The following C1QTNF7 variants were observed in gnomAD, a reference collection of about 807,000 sequenced individuals.
C1QTNF7 encodes C1q and TNF related 7.
Under a neutral mutation model 19.6 loss-of-function variants are expected in C1QTNF7, and 15 were observed. The ratio of observed to expected loss-of-function variants is 0.76; its 90% CI spans 0.51 to 1.18. The LOEUF is 1.18. Among genes scored for constraint, C1QTNF7 ranks in the 50% most tolerant of loss-of-function variants. The pLI is 0.00. For synonymous variants in C1QTNF7, 142 were observed against 137.5 expected (o/e 1.03, Z -0.23); for missense variants, 324 against 359.7 (o/e 0.90, Z 0.80).
intron 1 of C1QTNF7, among the ~76,000 whole-genome samples, chr4:15,403,408 G>C (rs1466629454): frequency 1.3e-5 from 2 of 152,130 alleles, no homozygotes; most frequent in African/African-American, 4.8e-5. Flanking sequence ...CCAAAATCAA[G>C]GCTTTGACAG....
chr4:15,423,167 T>C (rs1339805656), upstream of C1QTNF7, among the ~76,000 whole-genome samples: 1 of 152,178 alleles, frequency 6.6e-6, no homozygotes, highest in Non-Finnish European at 1.5e-5. Context: ...TTAGCATAAA[T>C]AGGTTATTTG....
intron 1 of C1QTNF7, among the ~76,000 whole-genome samples, chr4:15,376,163 C>T (rs1717930182): frequency 6.6e-6 from 1 of 152,194 alleles, no homozygotes; most frequent in African/African-American, 2.4e-5. Context: ...CTTGTATAAA[C>T]ATGTCTGTAG....
chr4:15,362,705 G>A (rs1717387462), intron 1 of C1QTNF7, among the ~76,000 whole-genome samples: 1 of 152,186 alleles, frequency 6.6e-6, no homozygotes, highest in African/African-American at 2.4e-5. Context: ...AGCATTTACA[G>A]CCCATATATC....
At chr4:15,389,907 C>T (rs1577252017) in intron 1 of C1QTNF7, among the ~76,000 whole-genome samples, 2 of 152,140 alleles carry the variant, frequency 1.3e-5, no homozygotes, top group South Asian at 4.1e-4. Context: ...GAGAACTGTG[C>T]ATCGTGTTAA....
chr4:15,342,187 C>T (rs562812700), intron 1 of C1QTNF7, among the ~76,000 whole-genome samples: 5 of 152,170 alleles, frequency 3.3e-5, no homozygotes, highest in Non-Finnish European at 5.9e-5. Context: ...CGCACCTCCT[C>T]GCCTCCGAGA....
At chr4:15,426,115 A>C (rs1336600004), upstream of C1QTNF7, among the ~76,000 whole-genome samples, 1 of 152,176 alleles carries the variant, frequency 6.6e-6, no homozygotes, top group Non-Finnish European at 1.5e-5. Flanking sequence ...GAATGGAATG[A>C]ATTCAGTTGA....
At chr4:15,419,235 G>A (rs958468582) in intron 1 of C1QTNF7, among the ~76,000 whole-genome samples, 1 of 152,124 alleles carries the variant, frequency 6.6e-6, no homozygotes, top group African/African-American at 2.4e-5. Flanking sequence ...TTCCATTTCT[G>A]GGAATCTATC....
At chr4:15,394,067 C>T (rs1017387656) in intron 1 of C1QTNF7, among the ~76,000 whole-genome samples, 1 of 152,124 alleles carries the variant, frequency 6.6e-6, no homozygotes, top group African/African-American at 2.4e-5. Flanking sequence ...TTGAGCAGAA[C>T]CCTGAAGGAG....
chr4:15,431,091 T>C (rs1297257197), intron 1 of C1QTNF7, among the ~76,000 whole-genome samples: 3 of 152,010 alleles, frequency 2.0e-5, no homozygotes, highest in East Asian at 1.9e-4. Context: ...GATAGATAGA[T>C]AGATAGATAG....
intron 1 of C1QTNF7, among the ~76,000 whole-genome samples, chr4:15,394,099 TGAA>T (rs1718689581): frequency 6.6e-6 from 1 of 152,118 alleles, no homozygotes; most frequent in Admixed American, 6.5e-5. Flanking sequence ...AATGAGCCTG[TGAA>T]GGTCTAAAGT....
intron 1 of C1QTNF7, among the ~76,000 whole-genome samples, chr4:15,377,284 C>T (rs1717975606): frequency 6.6e-6 from 1 of 152,184 alleles, no homozygotes; most frequent in African/African-American, 2.4e-5. Flanking sequence ...AGAATCAACA[C>T]TATTTCAGGG....
intron 1 of C1QTNF7, among the ~76,000 whole-genome samples, chr4:15,349,016 A>T (rs1432856878): frequency 6.6e-6 from 1 of 152,198 alleles, no homozygotes; most frequent in Non-Finnish European, 1.5e-5. Flanking sequence ...TGCTAGGTTT[A>T]TTCCTATTTT....
At chr4:15,424,478 C>A (rs998172211), upstream of C1QTNF7, among the ~76,000 whole-genome samples, 2 of 152,162 alleles carry the variant, frequency 1.3e-5, no homozygotes, top group African/African-American at 4.8e-5. Context: ...TGGTTGATAG[C>A]TTGCAGTGCT....
chr4:15,394,337 A>C (rs1405052453), intron 1 of C1QTNF7, among the ~76,000 whole-genome samples: 1 of 152,268 alleles, frequency 6.6e-6, no homozygotes, highest in African/African-American at 2.4e-5. Flanking sequence ...AATCCAAGAC[A>C]ACCAAAATGT....
intron 1 of C1QTNF7, chr4:15,373,822 A>G (rs181908868): frequency 1.3e-5 from 2 of 152,298 alleles, no homozygotes; most frequent in African/African-American, 2.4e-5. Flanking sequence ...AAGTCACTCA[A>G]TGGTTTCTTT....
chr4:15,393,230 G>A (rs1718650747), intron 1 of C1QTNF7, among the ~76,000 whole-genome samples: 1 of 152,174 alleles, frequency 6.6e-6, no homozygotes, highest in South Asian at 2.1e-4. Flanking sequence ...TAGCCATGTG[G>A]AAATGTGAGT....
At position 15,411,951 on chromosome 4, in the gene C1QTNF7, C is replaced by T. The variant is rs897338559; in HGVS notation, c.14-23785C>T. Among the ~76,000 whole-genome samples, 18 of 152,206 alleles carry T rather than the reference C, an allele frequency of 1.2e-4. No individual in the cohort carries two copies. In the East Asian group the frequency reaches 2.5e-3, roughly 21 times the overall value. Reference sequence around the variant, plus strand: ...AGCACAGCAGGAGGTGAGTGGCAGGCGAGTCAGTGAAGCTTCATCTGTATT... The same window carrying T: ...AGCACAGCAGGAGGTGAGTGGCAGGTGAGTCAGTGAAGCTTCATCTGTATT... On this transcript the variant is annotated intron_variant, in intron 1 of 2. Transcript: ENST00000295297.
chr4:15,364,794 A>C (rs988600262), intron 1 of C1QTNF7, among the ~76,000 whole-genome samples: 31 of 152,200 alleles, frequency 2.0e-4, no homozygotes, highest in African/African-American at 7.2e-4. Context: ...ACATGGGATG[A>C]TCATGACAAT....
intron 1 of C1QTNF7, among the ~76,000 whole-genome samples, chr4:15,415,638 T>TA (rs1560362493): frequency 7.3e-5 from 11 of 151,210 alleles, no homozygotes; most frequent in Non-Finnish European, 1.5e-4. Flanking sequence ...TATATATATA[T>TA]TAGAGATGGG....
Sources: gnomAD v4.1 joint callset for allele counts (sites outside exome capture counted in the v4.1 genomes callset) on GRCh38, gnomAD v4.1.1 for gene constraint, MANE v1.5 for transcripts, NCBI Gene and HGNC (gene_info 2026-07-23, HGNC 2026-07-21) for gene names.